CCDC186: variants seen among roughly 807,000 people sequenced by gnomAD.
CCDC186 encodes coiled-coil domain containing 186, also known as coiled-coil domain-containing protein 186.
Under a neutral mutation model 113.7 loss-of-function variants are expected in CCDC186, and 49 were observed. That is an observed-to-expected ratio of 0.43 (90% CI 0.34 to 0.55). The LOEUF (loss-of-function observed/expected upper bound fraction) is 0.55, where lower values mean the gene tolerates loss of function less well. Among genes scored for constraint, CCDC186 ranks in the 20% least tolerant of loss-of-function variants. CCDC186 has a pLI of 0.02. For synonymous variants in CCDC186, 355 were observed against 345.8 expected (o/e 1.03, Z -0.30); for missense variants, 890 against 1,011.1 (o/e 0.88, Z 1.62).
intron 4 of CCDC186, among the ~76,000 whole-genome samples, chr10:114,149,762 A>C (rs1221706114): frequency 0.026 from 405 of 15,660 alleles, 3 homozygotes; most frequent in African/African-American, 0.061. Flanking sequence ...GGCAGGAAGG[A>C]AGGAAGGAAG....
chr10:114,171,785 G>C (rs907666866), intron 1 of CCDC186, among the ~76,000 whole-genome samples: 29 of 152,126 alleles, frequency 1.9e-4, no homozygotes, highest in Admixed American at 1.6e-3. Context: ...ACAATTATCA[G>C]TTCAAGTGTC....
At chr10:114,165,309 T>G (rs1480541133) in intron 1 of CCDC186, among the ~76,000 whole-genome samples, 4 of 152,258 alleles carry the variant, frequency 2.6e-5, no homozygotes, top group Non-Finnish European at 4.4e-5. Context: ...TCGTAAGTAC[T>G]CTGTATTCCA....
rs528622967 is a variant in CCDC186, at chr10:114,159,027, A to C, written c.633-1347T>G. Among the ~76,000 whole-genome samples, 232 of 152,356 alleles carry C rather than the reference A, an allele frequency of 1.5e-3. 4 individuals carry two copies. Among genetic ancestry groups the C allele is most frequent in the Non-Finnish European group, 1.8e-3 (123 of 68,026 alleles). Reference sequence around the variant, plus strand: ...AATCCTATTAAGAAAAATAAAGGAGAGCGAAAAGCCAGAGAGTGACTTGAG... The same window carrying C: ...AATCCTATTAAGAAAAATAAAGGAGCGCGAAAAGCCAGAGAGTGACTTGAG... On this transcript the variant is annotated intron_variant, in intron 2 of 15. Coordinates refer to ENST00000369287, the MANE Select transcript of CCDC186 (RefSeq NM_018017.4).
In CCDC186 at chr10:114,127,633, G is replaced by A; in HGVS notation, c.2221C>T (p.Pro741Ser). Residue 741 changes from proline (P) to serine (S), a missense_variant, in exon 14 of 16, where the codon CCA becomes TCA. By Grantham distance (74) the Pro-to-Ser change is moderately conservative. Transcript: ENST00000369287. ...NARSSAEDRS[P>S]ENTGSSVAVD... ...GCTACTGAGGACCCAGTATTTTCTG[G>A]AGATCGATCTTCTGCACTGCTTCGA... 1.2e-6 allele frequency: 2 copies of A among 1,613,944 alleles called. No individual in the cohort carries two copies. Among genetic ancestry groups the A allele is most frequent in the Non-Finnish European group, 1.7e-6 (2 of 1,179,980 alleles).
rs1292287662 is a variant in CCDC186, at chr10:114,162,649, T to C, written c.620A>G (p.His207Arg). 15 of 1,568,474 alleles carry C rather than the reference T, an allele frequency of 9.6e-6. No individual in the cohort carries two copies. The highest frequency in any genetic ancestry group is 1.2e-5 in the Non-Finnish European group (14 of 1,162,054). The change falls in exon 2 of 16, where the codon CAT (histidine) becomes CGT (arginine). Residue 207 changes from histidine (H) to arginine (R), a missense_variant. His to Arg is a conservative substitution (Grantham distance 29). Coordinates refer to ENST00000369287, the MANE Select transcript of CCDC186 (RefSeq NM_018017.4). ...CVQDKYLQQE[H>R]IIKKLIKENK... ...ATAAAAAACTTACTTTTTTATGATA[T>C]GTTCCTGCTGCAAATATTTATCTTG...
At chr10:114,136,642 T>C (rs1374464150) in intron 7 of CCDC186, among the ~76,000 whole-genome samples, 1 of 152,244 alleles carries the variant, frequency 6.6e-6, no homozygotes, top group Non-Finnish European at 1.5e-5. Context: ...TACATTTCCT[T>C]GCACTCTTCA....
rs1451056563 is a variant in CCDC186 at position 114,121,018 on chromosome 10, T to C, written c.*4125A>G. The C allele has an allele frequency of 6.6e-6, 1 of 152,164 alleles. No individual in the cohort carries two copies. Among genetic ancestry groups the C allele is most frequent in the Non-Finnish European group, 1.5e-5 (1 of 68,010 alleles). The allele number at this position is 152,164 out of a possible 1,614,324, so 9.4% of individuals were successfully genotyped here. A position where few individuals can be genotyped will look rare whatever the true frequency, so the allele number is the denominator to read the frequency against. The stretch of plus-strand genomic sequence containing the variant: ...CACACACACATATATATATGTCCTC[T>C]GGAAGATAAACAAGTTTCATCATTG... On this transcript the variant is annotated 3_prime_UTR_variant, in exon 16 of 16. Transcript: ENST00000369287.
intron 12 of CCDC186, 174 bp downstream of exon 12, chr10:114,130,973 C>T: frequency 2.1e-6 from 1 of 469,552 alleles, no homozygotes; most frequent in Non-Finnish European, 3.6e-6. Flanking sequence ...TACAAGATAT[C>T]CTTTAGGATA....
intron 12 of CCDC186, 199 bp from the exon 13 acceptor site, chr10:114,130,170 A>G (rs2031042922): frequency 2.3e-6 from 1 of 426,928 alleles, no homozygotes; most frequent in African/African-American, 2.1e-5. Context: ...AAATATACAG[A>G]AACAACATTA....
intron 14 of CCDC186, among the ~76,000 whole-genome samples, chr10:114,126,865 G>A (rs1413675556): frequency 2.0e-5 from 3 of 152,222 alleles, no homozygotes; most frequent in African/African-American, 7.2e-5. Flanking sequence ...GAATTTGTGA[G>A]AGGAATTTGG....
In CCDC186 at chr10:114,127,612, C is replaced by T. The variant is rs775775012; in HGVS notation, c.2242G>A (p.Val748Ile). The change falls in exon 14 of 16, where the codon GTA becomes ATA. Residue 748 changes from valine to isoleucine, a missense_variant. Transcript: ENST00000369287. Reference protein sequence around the residue: ...DRSPENTGSSVAVDNFPQVDK... With the variant: ...DRSPENTGSSIAVDNFPQVDK... ...ACTTGTGGAAAGTTATCCACAGCTA[C>T]TGAGGACCCAGTATTTTCTGGAGAT... 1 of 1,614,088 alleles carries T rather than the reference C, an allele frequency of 6.2e-7. No homozygotes were observed. Among genetic ancestry groups the T allele is most frequent in the Non-Finnish European group, 8.5e-7 (1 of 1,180,006 alleles).
At chr10:114,126,177 TA>T in intron 14 of CCDC186, 72 bp from the exon 15 acceptor site, 1 of 1,139,878 alleles carries the variant, frequency 8.8e-7, no homozygotes, top group Non-Finnish European at 1.3e-6. Flanking sequence ...AAAAGTCAAC[TA>T]ATCATAAAGA....
At chr10:114,132,209 G>C in intron 10 of CCDC186, 25 bp from the exon 11 acceptor site, 22 of 1,459,338 alleles carry the variant, frequency 1.5e-5, no homozygotes, top group Non-Finnish European at 2.0e-5. Flanking sequence ...TTATATTTAA[G>C]AAAAAATAAA....
intron 1 of CCDC186, among the ~76,000 whole-genome samples, chr10:114,172,203 G>A (rs1312339857): frequency 6.6e-6 from 1 of 152,192 alleles, no homozygotes; most frequent in African/African-American, 2.4e-5. Context: ...TGAGAAACTA[G>A]TGCAGATTAC....
At position 114,134,034 on chromosome 10, in the gene CCDC186, G is replaced by A. The variant is rs189231756; in HGVS notation, c.1655+879C>T. On this transcript the variant is annotated intron_variant, in intron 10 of 15. Coordinates refer to ENST00000369287, the MANE Select transcript of CCDC186 (RefSeq NM_018017.4). ...AGTCAGAAGAGATGAAATCCATAGC[G>A]GAAGTAGAAAGACTAATTTGATTCA... Among the ~76,000 whole-genome samples, 38 of 152,306 alleles carry A rather than the reference G, an allele frequency of 2.5e-4. No individual in the cohort carries two copies. The South Asian group carries it at 5.0e-3, about 20-fold the overall frequency.
At chr10:114,169,728 T>C (rs1305872477) in intron 1 of CCDC186, among the ~76,000 whole-genome samples, 2 of 152,314 alleles carry the variant, frequency 1.3e-5, no homozygotes, top group Non-Finnish European at 2.9e-5. Flanking sequence ...AAGAATAACA[T>C]CTTTCTGACT....
intron 1 of CCDC186, among the ~76,000 whole-genome samples, chr10:114,166,675 T>A (rs1428320839): frequency 1.3e-5 from 2 of 152,342 alleles, no homozygotes; most frequent in South Asian, 4.1e-4. Flanking sequence ...TGCTCTTCAG[T>A]GGCTATACAA....
rs2031617189 is a variant in CCDC186, at chr10:114,145,730, T to A, written c.920A>T (p.Glu307Val). ...ANKKCEEARQ[E>V]KEAMVMKYVR... Reference sequence around the variant, plus strand: ...ATATTTCATTACCATTGCTTCTTTTTCTTGGCGTGCCTCTTCACATTTCTT... The same window carrying A: ...ATATTTCATTACCATTGCTTCTTTTACTTGGCGTGCCTCTTCACATTTCTT... The change falls in exon 5 of 16, where the codon GAA (glutamate) becomes GTA (valine). Residue 307 changes from glutamate to valine, a missense_variant. Transcript: ENST00000369287. 1 of 1,600,502 alleles carries A rather than the reference T, an allele frequency of 6.2e-7. No homozygotes were observed. Among genetic ancestry groups the A allele is most frequent in the African/African-American group, 1.4e-5 (1 of 73,908 alleles).
Position 114,151,169 on chromosome 10 carries a change from G to C in CCDC186, c.811C>G (p.Gln271Glu). 6.2e-7 allele frequency: 1 copy of C among 1,608,952 alleles called. No individual in the cohort carries two copies. Among genetic ancestry groups the C allele is most frequent in the Non-Finnish European group, 8.5e-7 (1 of 1,175,834 alleles). ...GCTGTAACGTCTTGAGCTATTAGTTGATCTCTGGAAGCTTTAACTTCTTTA... is the reference window on the plus strand; with the variant it reads ...GCTGTAACGTCTTGAGCTATTAGTTCATCTCTGGAAGCTTTAACTTCTTTA... ...LNKEVKASRD[Q>E]LIAQDVTAKN... The change falls in exon 4 of 16, where the codon CAA (glutamine) becomes GAA (glutamate). Residue 271 changes from glutamine (Q) to glutamate (E), a missense_variant. Coordinates refer to ENST00000369287, the MANE Select transcript of CCDC186 (RefSeq NM_018017.4).
Sources: gnomAD v4.1 joint callset for allele counts (sites outside exome capture counted in the v4.1 genomes callset) on GRCh38, gnomAD v4.1.1 for gene constraint, MANE v1.5 for transcripts, NCBI Gene and HGNC (gene_info 2026-07-23, HGNC 2026-07-21) for gene names.